The following COX17 variants were observed in gnomAD, a reference collection of about 807,000 sequenced individuals.
COX17 encodes the protein cytochrome c oxidase copper chaperone.
Under a neutral mutation model 6.3 loss-of-function variants are expected in COX17, and 1 was observed. The ratio of observed to expected loss-of-function variants is 0.16; its 90% confidence interval spans 0.06 to 0.75. The LOEUF is 0.75. Among genes scored for constraint, COX17 ranks in the 30% least tolerant of loss-of-function variants. The pLI, the probability that COX17 is intolerant of heterozygous loss-of-function variation, is 0.77. For missense variants in COX17, 73 were observed against 81.2 expected (o/e 0.90, Z 0.39); for synonymous variants, 26 against 30.5 (o/e 0.85, Z 0.49).
chr3:119,672,557 G>A (rs2053054685), intron 2 of COX17, among the ~76,000 whole-genome samples: 1 of 152,094 alleles, frequency 6.6e-6, no homozygotes, highest in African/African-American at 2.4e-5. Flanking sequence ...AGGAAACCAT[G>A]TACAAATGTT....
intron 2 of COX17, among the ~76,000 whole-genome samples, chr3:119,671,865 T>C (rs748265702): frequency 1.3e-5 from 2 of 152,146 alleles, no homozygotes; most frequent in Admixed American, 6.5e-5. Flanking sequence ...CATTTCCCCA[T>C]GGAGGTTGGG....
downstream of COX17, among the ~76,000 whole-genome samples, chr3:119,664,581 G>C (rs80128652): frequency 1.5e-3 from 235 of 152,318 alleles, 7 homozygotes; most frequent in East Asian, 0.04. Context: ...AGGCAGGCGA[G>C]GCAGGCGGGG....
At chr3:119,669,200 T>C (rs1174034401), downstream of COX17, 1 of 144,064 alleles carries the variant, frequency 6.9e-6, no homozygotes, top group Non-Finnish European at 1.5e-5. Context: ...AGAATAACAA[T>C]AATGGTTTAA....
At chr3:119,677,089 A>AGAG in intron 1 of COX17, 115 bp downstream of exon 1, 1 of 576,486 alleles carries the variant, frequency 1.7e-6, no homozygotes. Flanking sequence ...AGAGGGCAGA[A>AGAG]GGCAGAGGGC....
At chr3:119,677,001 A>T (rs1419628035) in intron 1 of COX17, 1 of 489,994 alleles carries the variant, frequency 2.0e-6, no homozygotes, top group Non-Finnish European at 3.7e-6. Context: ...AGAGCGCCGC[A>T]ATGGGGCGGG....
intron 2 of COX17, chr3:119,674,802 A>C (rs2053082324): frequency 5.0e-6 from 1 of 201,490 alleles, no homozygotes; most frequent in African/African-American, 2.3e-5. Context: ...TCTCAAAAAA[A>C]AAAAAAAAAA....
At chr3:119,666,688 T>G (rs1192503563), downstream of COX17, among the ~76,000 whole-genome samples, 1 of 152,176 alleles carries the variant, frequency 6.6e-6, no homozygotes, top group Non-Finnish European at 1.5e-5. Context: ...GTCTTACTAC[T>G]CTTTACTACT....
intron 3 of COX17, among the ~76,000 whole-genome samples, chr3:119,664,168 T>C (rs747901441): frequency 2.6e-5 from 4 of 152,194 alleles, no homozygotes; most frequent in Non-Finnish European, 5.9e-5. Context: ...AAAACACTTA[T>C]GAGGGAGCAA....
rs947030500 is a variant in COX17, at chr3:119,677,382, C to T, written c.-72G>A. 3 of 1,198,714 alleles carry T rather than the reference C, an allele frequency of 2.5e-6. No homozygotes were observed. Among genetic ancestry groups the T allele is most frequent in the Middle Eastern group, 2.7e-4 (1 of 3,690 alleles). 74.3% of individuals were successfully genotyped at this position (1,198,714 alleles called of 1,614,324 possible). On this transcript the variant is annotated 5_prime_UTR_variant, in exon 1 of 3. Transcript: ENST00000261070. ...CAGCCTCGGCAAACGCCGATTCGTC[C>T]GCAGTCACTTCCGGCAGTCGCTCTA...
Position 119,677,204 on chromosome 3 carries a change from C to T in COX17, c.107G>A (p.Cys36Tyr), listed in dbSNP as rs962660760. 1 of 1,609,094 alleles carries T rather than the reference C, an allele frequency of 6.2e-7. No homozygotes were observed. Among genetic ancestry groups the T allele is most frequent in the South Asian group, 1.1e-5 (1 of 90,368 alleles). ...GCGCCCTCTCCGGCTGCGCACTGAC[C>T]ACGCATCGCGCGCCTTCTTGGTCTC... ...CPETKKARDA[C>Y]IIEKGEEHCG... is the part of the protein sequence containing the mutation. Residue 36 changes from cysteine to tyrosine, a missense_variant and splice_region_variant, in exon 1 of 3, where the codon TGT becomes TAT. Physicochemically the swap from Cys to Tyr is radical, Grantham distance 194. Coordinates refer to ENST00000261070, the MANE Select transcript of COX17 (RefSeq NM_005694.2).
downstream of COX17, chr3:119,667,025 A>C (rs2107830866): frequency 6.6e-6 from 1 of 152,340 alleles, no homozygotes; most frequent in Middle Eastern, 3.4e-3. Flanking sequence ...ATCATAGGTC[A>C]TATTAGACCT....
At chr3:119,671,211 A>C (rs2053040235) in intron 2 of COX17, among the ~76,000 whole-genome samples, 1 of 151,958 alleles carries the variant, frequency 6.6e-6, no homozygotes, top group Non-Finnish European at 1.5e-5. Context: ...TTTCTCAGTC[A>C]ACAGGTGCAG....
At chr3:119,668,323 A>G (rs2053012214), downstream of COX17, among the ~76,000 whole-genome samples, 1 of 152,134 alleles carries the variant, frequency 6.6e-6, no homozygotes, top group Non-Finnish European at 1.5e-5. Context: ...TTGGGTGGGA[A>G]GTTGGTTCAT....
At chr3:119,673,411 C>T (rs900179962) in intron 2 of COX17, among the ~76,000 whole-genome samples, 4 of 152,140 alleles carry the variant, frequency 2.6e-5, no homozygotes, top group Admixed American at 2.0e-4. Flanking sequence ...ATGCAGGTGA[C>T]AGTGTATAGA....
At chr3:119,675,441 G>C (rs2053090321) in intron 1 of COX17, 1 of 512,488 alleles carries the variant, frequency 2.0e-6, no homozygotes. Flanking sequence ...AGTGATTTTG[G>C]GGGGGAAATC....
downstream of COX17, among the ~76,000 whole-genome samples, chr3:119,667,728 C>CAG (rs61480242): frequency 2.8e-4 from 19 of 67,576 alleles, no homozygotes; most frequent in African/African-American, 8.3e-4. Context: ...CACACACACA[C>CAG]AGAGAGAGAG....
At chr3:119,666,715 T>C (rs1271595415), downstream of COX17, among the ~76,000 whole-genome samples, 1 of 152,208 alleles carries the variant, frequency 6.6e-6, no homozygotes, top group South Asian at 2.1e-4. Context: ...AGTTGGCATA[T>C]AGTATGTCCT....
chr3:119,675,959 C>T (rs919558241), intron 1 of COX17, among the ~76,000 whole-genome samples: 2 of 152,212 alleles, frequency 1.3e-5, no homozygotes, highest in Non-Finnish European at 2.9e-5. Context: ...CCTTCAATAG[C>T]TCAAGAGCTG....
At position 119,675,127 on chromosome 3, in the gene COX17, T is replaced by C. The variant is rs932014786; in HGVS notation, c.*4+18A>G. ...TAAATCTGTAAAGCAATACACAACT[T>C]TGAAGCAAGAAGCTTACCATTTCAT... is the stretch of plus-strand genomic sequence containing the variant. On this transcript the variant is annotated intron_variant, in intron 2 of 2. Coordinates refer to ENST00000261070, the MANE Select transcript of COX17 (RefSeq NM_005694.2). 6.4e-6 allele frequency: 10 copies of C among 1,574,670 alleles called. No homozygotes were observed. The highest frequency in any genetic ancestry group is 8.7e-6 in the Non-Finnish European group (10 of 1,144,974).
Sources: gnomAD v4.1 joint callset for allele counts (sites outside exome capture counted in the v4.1 genomes callset) on GRCh38, gnomAD v4.1.1 for gene constraint, MANE v1.5 for transcripts, NCBI Gene and HGNC (gene_info 2026-07-23, HGNC 2026-07-21) for gene names.